Variants in FYB1 observed in about 807,000 individuals in gnomAD.
FYB1 encodes the protein FYN-binding protein 1.
A neutral mutation model predicts 94.1 loss-of-function variants in FYB1; 41 were observed. That is an observed-to-expected ratio of 0.44 (90% CI 0.34 to 0.57). The LOEUF (loss-of-function observed/expected upper bound fraction) is 0.57. FYB1 is among the 20% of genes least tolerant of loss of function. The probability of loss-of-function intolerance (pLI) is 0.02; values close to 1 mark genes in which losing one functional copy is unlikely to be tolerated. For synonymous variants in FYB1, 367 were observed against 353.2 expected, an observed-to-expected ratio of 1.04 and a Z score of -0.44; for missense variants, 1,050 against 976.8, an observed-to-expected ratio of 1.07 and a Z score of -1.00.
At chr5:39,135,589 A>G (rs569113877) in intron 7 of FYB1, among the ~76,000 whole-genome samples, 9 of 152,344 alleles carry the variant, frequency 5.9e-5, no homozygotes, top group African/African-American at 1.9e-4. Flanking sequence ...TATGAATCCT[A>G]AACTCTTAAT....
chr5:39,243,571 G>A (rs1459202662), intron 1 of FYB1, among the ~76,000 whole-genome samples: 1 of 152,098 alleles, frequency 6.6e-6, no homozygotes, highest in Non-Finnish European at 1.5e-5. Context: ...AAGTCAGGTG[G>A]CGTGATGCCT....
chr5:39,184,980 T>C (rs1746615615), intron 2 of FYB1, among the ~76,000 whole-genome samples: 1 of 152,198 alleles, frequency 6.6e-6, no homozygotes, highest in Non-Finnish European at 1.5e-5. Flanking sequence ...TTTCCCTAGA[T>C]ACAAAGTACT....
chr5:39,153,530 G>T lies in FYB1; in HGVS notation c.1210C>A (p.Pro404Thr). Residue 404 changes from proline (P) to threonine (T), a missense_variant, in exon 3 of 19, where the codon CCA (proline) becomes ACA (threonine). Transcript: ENST00000512982. ...PPPPSHPASQPPLPASHPSQP... is the reference protein window; with the variant it reads ...PPPPSHPASQTPLPASHPSQP... ...GATGGGTGAGATGCTGGCAATGGTG[G>T]TTGGCTGGCCGGATGGGATGGTGGA... The T allele has an allele frequency of 6.2e-7, 1 of 1,613,970 alleles. No homozygotes were observed.
At chr5:39,124,493 G>C (rs982089944) in intron 12 of FYB1, among the ~76,000 whole-genome samples, 1 of 152,038 alleles carries the variant, frequency 6.6e-6, no homozygotes, top group African/African-American at 2.4e-5. Context: ...AACCCCAAAT[G>C]TTTGCCAAAA....
At chr5:39,165,531 A>AAAAGATCTGAAGTAT (rs1224482608) in intron 2 of FYB1, among the ~76,000 whole-genome samples, 1 of 152,240 alleles carries the variant, frequency 6.6e-6, no homozygotes. Flanking sequence ...CTGAAGCTAT[A>AAAAGATCTGAAGTAT]AAAATACTAA....
chr5:39,174,489 C>G (rs1745526494), intron 2 of FYB1, among the ~76,000 whole-genome samples: 1 of 152,172 alleles, frequency 6.6e-6, no homozygotes, highest in African/African-American at 2.4e-5. Flanking sequence ...CTGCACAGGA[C>G]TTTAACACAT....
At chr5:39,152,378 A>G (rs995248378) in intron 3 of FYB1, among the ~76,000 whole-genome samples, 1 of 152,182 alleles carries the variant, frequency 6.6e-6, no homozygotes, top group Non-Finnish European at 1.5e-5. Flanking sequence ...TGTCAATCCA[A>G]TATTGTTATT....
chr5:39,265,684 G>C (rs1205025783), intron 1 of FYB1, among the ~76,000 whole-genome samples: 2 of 152,126 alleles, frequency 1.3e-5, no homozygotes, highest in African/African-American at 2.4e-5. Context: ...ATGAATAAAA[G>C]AAATGCACAT....
At chr5:39,162,125 T>C (rs1317494571) in intron 2 of FYB1, among the ~76,000 whole-genome samples, 3 of 152,226 alleles carry the variant, frequency 2.0e-5, no homozygotes, top group East Asian at 3.8e-4. Flanking sequence ...CTGCCTGTTA[T>C]ACAGAATGCT....
chr5:39,209,329 G>T (rs1275664960), intron 1 of FYB1, among the ~76,000 whole-genome samples: 1 of 135,670 alleles, frequency 7.4e-6, no homozygotes, highest in African/African-American at 2.6e-5. Context: ...GTTTAAATAT[G>T]TTTTTTTTTT....
chr5:39,188,828 C>T (rs897607621), intron 2 of FYB1, among the ~76,000 whole-genome samples: 1 of 152,104 alleles, frequency 6.6e-6, no homozygotes, highest in Non-Finnish European at 1.5e-5. Context: ...CCACTGCGCC[C>T]GTCTGACTAC....
chr5:39,176,358 C>A (rs1745734721), intron 2 of FYB1, among the ~76,000 whole-genome samples: 1 of 151,792 alleles, frequency 6.6e-6, no homozygotes, highest in Non-Finnish European at 1.5e-5. Context: ...ACCAGTTGGC[C>A]AGGCTGGTCT....
intron 10 of FYB1, 118 bp from the exon 11 acceptor site, chr5:39,127,925 G>A (rs926929468): frequency 1.1e-6 from 1 of 899,466 alleles, no homozygotes; most frequent in Non-Finnish European, 1.6e-6. Context: ...TCACTTTCAT[G>A]TAAACCATTT....
chr5:39,215,329 T>A (rs1416110106), intron 1 of FYB1, among the ~76,000 whole-genome samples: 1 of 152,188 alleles, frequency 6.6e-6, no homozygotes, highest in Non-Finnish European at 1.5e-5. Flanking sequence ...ATTTGAGAAA[T>A]ATAAACACAA....
intron 2 of FYB1, among the ~76,000 whole-genome samples, chr5:39,187,593 C>T (rs528678706): frequency 2.0e-5 from 3 of 152,248 alleles, no homozygotes; most frequent in Non-Finnish European, 2.9e-5. Context: ...GTTTTTAGCT[C>T]CTCTCATCTC....
At chr5:39,270,538 A>G (rs1481611033) in intron 1 of FYB1, 168 of 1,530,936 alleles carry the variant, frequency 1.1e-4, no homozygotes, top group Non-Finnish European at 1.5e-4. Flanking sequence ...TTGCCAGGAG[A>G]CCAAGGAGAG....
At chr5:39,205,558 G>A (rs1480506053) in intron 1 of FYB1, among the ~76,000 whole-genome samples, 2 of 152,162 alleles carry the variant, frequency 1.3e-5, no homozygotes, top group Non-Finnish European at 2.9e-5. Flanking sequence ...TCCTACTTAG[G>A]TGGCAACTTT....
intron 1 of FYB1, among the ~76,000 whole-genome samples, chr5:39,210,701 T>C (rs1749287027): frequency 6.6e-6 from 1 of 152,130 alleles, no homozygotes; most frequent in African/African-American, 2.4e-5. Context: ...TAAGCATAAA[T>C]GGATAAGGAA....
In FYB1 at chr5:39,106,432, TG is replaced by T. The variant is rs1343225443; in HGVS notation, c.*1010del. 1 of 152,134 alleles carries T rather than the reference TG, an allele frequency of 6.6e-6. No homozygotes were observed. Among genetic ancestry groups the T allele is most frequent in the Non-Finnish European group, 1.5e-5 (1 of 68,006 alleles). 9.4% of individuals were successfully genotyped at this position (152,134 alleles called of 1,614,324 possible). A position where few individuals can be genotyped will look rare whatever the true frequency, so the allele number is the denominator to read the frequency against. ...TTCACATTTTGTTTTTGGATTGCTTTGGGAATGAGTATGTACTGTTAGAGAA... is the reference window on the plus strand; with the variant it reads ...TTCACATTTTGTTTTTGGATTGCTTTGGAATGAGTATGTACTGTTAGAGAA... On this transcript the variant is annotated 3_prime_UTR_variant, in exon 19 of 19. Transcript: ENST00000512982.
Sources: gnomAD v4.1 joint callset for allele counts (sites outside exome capture counted in the v4.1 genomes callset) on GRCh38, gnomAD v4.1.1 for gene constraint, MANE v1.5 for transcripts, NCBI Gene and HGNC (gene_info 2026-07-23, HGNC 2026-07-21) for gene names.